FAM20A: variants seen among roughly 807,000 people sequenced by gnomAD.
FAM20A encodes FAM20A golgi associated secretory pathway pseudokinase, also known as pseudokinase FAM20A.
Under a neutral mutation model 52.0 loss-of-function variants are expected in FAM20A, and 42 were observed. That is an observed-to-expected ratio of 0.81 (90% CI 0.63 to 1.04). The LOEUF is 1.04. Among genes scored for constraint, FAM20A ranks in the 50% least tolerant of loss-of-function variants. The pLI is 0.00. For missense variants in FAM20A, 742 were observed against 712.7 expected, an observed-to-expected ratio of 1.04 and a Z score of -0.47; for synonymous variants, 304 against 298.9, an observed-to-expected ratio of 1.02 and a Z score of -0.18.
chr17:68,583,867 CAG>C (rs1233002555), intron 1 of FAM20A, among the ~76,000 whole-genome samples: 1 of 151,816 alleles, frequency 6.6e-6, no homozygotes, highest in Non-Finnish European at 1.5e-5. Flanking sequence ...GCCTGGGTGA[CAG>C]AGTGAGACTC....
chr17:68,583,361 G>A (rs2088068317), intron 1 of FAM20A, among the ~76,000 whole-genome samples: 1 of 152,002 alleles, frequency 6.6e-6, no homozygotes, highest in Non-Finnish European at 1.5e-5. Flanking sequence ...CTCCTTCTGG[G>A]GACTCTAGGA....
At chr17:68,566,039 C>A (rs1424443565) in intron 1 of FAM20A, among the ~76,000 whole-genome samples, 2 of 152,150 alleles carry the variant, frequency 1.3e-5, no homozygotes, top group African/African-American at 4.8e-5. Flanking sequence ...CCACCTCATG[C>A]TGTTCCATCA....
At position 68,537,540 on chromosome 17, in the gene FAM20A, G is replaced by A. The variant is rs1162547081; in HGVS notation, c.1563C>T (p.Val521=). Residue 521 remains valine (V), a synonymous_variant, in exon 11 of 11, where the codon GTC becomes GTT. Transcript: ENST00000592554. This position sits in a 1 kb window ranked among gnomAD's most constrained non-coding sequence, Gnocchi z 4.2. ...ACTGTTCCACTGGGCCGTCGACTAT[G>A]ACACTCTGCTGTCCATGGGCCACTA... ...GCIVAHGQQS[V]IVDGPVEQLA... is the part of the protein sequence containing the mutation. 3 of 1,613,718 alleles carry A rather than the reference G, an allele frequency of 1.9e-6. No homozygotes were observed. The highest frequency in any genetic ancestry group is 2.7e-5 in the African/African-American group (2 of 74,892).
At position 68,536,141 on chromosome 17, in the gene FAM20A, A is replaced by C. The variant is rs901510231; in HGVS notation, c.*1336T>G. 4.8e-5 allele frequency: 22 copies of C among 453,924 alleles called. No homozygotes were observed. Among genetic ancestry groups the C allele is most frequent in the African/African-American group, 4.4e-4 (22 of 49,970 alleles). 28.1% of individuals were successfully genotyped at this position (453,924 alleles called of 1,614,324 possible). A position where few individuals can be genotyped will look rare whatever the true frequency, so the allele number is the denominator to read the frequency against. On this transcript the variant is annotated 3_prime_UTR_variant, in exon 11 of 11. Transcript: ENST00000592554. ...GGGGTACCACGGGGTCAGAAGTGTT[A>C]TTTGTCCAGTCGAGGCTATCTTTGC...
chr17:68,581,822 C>T (rs865779261), intron 1 of FAM20A, among the ~76,000 whole-genome samples: 2 of 152,234 alleles, frequency 1.3e-5, no homozygotes, highest in Middle Eastern at 3.4e-3. Context: ...GATCTGCCTG[C>T]TTTGGCCTCC....
At chr17:68,554,194 G>A (rs987117937) in intron 3 of FAM20A, among the ~76,000 whole-genome samples, 3 of 151,810 alleles carry the variant, frequency 2.0e-5, no homozygotes, top group Admixed American at 2.0e-4. Context: ...GCAGTGGCAC[G>A]ATCTCAGTTC....
Position 68,551,872 on chromosome 17 carries a change from C to A in FAM20A, c.719+1G>T. The A allele has an allele frequency of 6.3e-7, 1 of 1,576,700 alleles. No homozygotes were observed. Among genetic ancestry groups the A allele is most frequent in the Non-Finnish European group, 8.6e-7 (1 of 1,158,924 alleles). ...TGGAAAGGAGGAAGGCAGTCACTTA[C>A]CTCATGGGTTTGAACATGGCCTTCC... is the stretch of plus-strand genomic sequence containing the variant. On this transcript the variant is annotated splice_donor_variant, in intron 4 of 10. Coordinates refer to ENST00000592554, the MANE Select transcript of FAM20A (RefSeq NM_017565.4). LOFTEE classifies it high-confidence loss of function.
rs1491430631 is a variant in FAM20A, at chr17:68,575,789, T to TACACACACAC, written c.405-20047_405-20046insGTGTGTGTGT. ...ATTTTATATATTGTATATTTTATAT[T>TACACACACAC]ATACACACACACACACACACACACA... is the stretch of plus-strand genomic sequence containing the variant. On this transcript the variant is annotated intron_variant, in intron 1 of 10. Transcript: ENST00000592554. Among the ~76,000 whole-genome samples, 309 of 41,314 alleles carry TACACACACAC rather than the reference T, an allele frequency of 7.5e-3. 3 individuals are homozygous for TACACACACAC. Among genetic ancestry groups the TACACACACAC allele is most frequent in the African/African-American group, 0.026 (265 of 10,280 alleles). The allele number at this position is 41,314 out of a possible 152,430, so 27.1% of individuals were successfully genotyped here.
At chr17:68,599,153 A>T (rs1338661720) in intron 1 of FAM20A, among the ~76,000 whole-genome samples, 1 of 152,208 alleles carries the variant, frequency 6.6e-6, no homozygotes, top group Non-Finnish European at 1.5e-5. Context: ...TTACAAAATA[A>T]TGAGCAAACA....
At chr17:68,552,140 G>A (rs1015798585) in intron 3 of FAM20A, among the ~76,000 whole-genome samples, 189 bp from the exon 4 acceptor site, 2 of 152,106 alleles carry the variant, frequency 1.3e-5, no homozygotes, top group African/African-American at 4.8e-5. Context: ...GGTGTCCAGG[G>A]GCTCAAGACA....
In FAM20A at chr17:68,576,658, G is replaced by A. The variant is rs149566105; in HGVS notation, c.405-20915C>T. 1.3e-4 allele frequency among the ~76,000 whole-genome samples: 20 copies of A among 152,354 alleles called. No homozygotes were observed. The East Asian group carries it at 3.9e-3, about 29-fold the overall frequency. On this transcript the variant is annotated intron_variant, in intron 1 of 10. Transcript: ENST00000592554. ...CAGACACTTAGTGGTGGGTACTACA[G>A]AAAACGTTAGTTACATGTAGTTGGG...
chr17:68,543,678 T>G lies in FAM20A; in HGVS notation c.763A>C (p.Ile255Leu). The change falls in exon 5 of 11, where the codon ATT (isoleucine) becomes CTT (leucine). Residue 255 changes from isoleucine to leucine, a missense_variant. Ile to Leu is a conservative substitution (Grantham distance 5). Transcript: ENST00000592554. Reference protein sequence around the residue: ...EETPVDFFYFIDFQRHNAEIA... With the variant: ...EETPVDFFYFLDFQRHNAEIA... ...TCAGCATTGTGTCTCTGAAAGTCAA[T>G]GAAGTAGAAGAAGTCCACTGGTGTC... 6.2e-7 allele frequency: 1 copy of G among 1,614,062 alleles called. No homozygotes were observed. The highest frequency in any genetic ancestry group is 8.5e-7 in the Non-Finnish European group (1 of 1,180,012).
chr17:68,569,151 C>G (rs1045000516), intron 1 of FAM20A, among the ~76,000 whole-genome samples: 3 of 152,148 alleles, frequency 2.0e-5, no homozygotes, highest in Admixed American at 6.5e-5. Context: ...CTTCAATGAT[C>G]GCTTTTGTGC....
chr17:68,536,889 A>G lies in FAM20A; in HGVS notation c.*588T>C, dbSNP rs1168141365. The G allele has an allele frequency of 2.2e-6, 1 of 453,996 alleles. No individual in the cohort carries two copies. Among genetic ancestry groups the G allele is most frequent in the Non-Finnish European group, 4.4e-6 (1 of 226,838 alleles). 28.1% of individuals were successfully genotyped at this position (453,996 alleles called of 1,614,324 possible). On this transcript the variant is annotated 3_prime_UTR_variant, in exon 11 of 11. Transcript: ENST00000592554. ...TTTTATTTTTGCCACTTGTTATAAT[A>G]TCTCTAAGAAGTTACTCCAGGACCG...
At chr17:68,550,434 G>T (rs1265298260) in intron 4 of FAM20A, among the ~76,000 whole-genome samples, 1 of 141,056 alleles carries the variant, frequency 7.1e-6, no homozygotes. Context: ...AGGCTGGAGT[G>T]CAGTGGTGCG....
chr17:68,572,015 T>C lies in FAM20A; in HGVS notation c.405-16272A>G, dbSNP rs965229234. ...ATATATATATATATATATATATATA[T>C]ATATATATATATATATATATATATA... On this transcript the variant is annotated intron_variant, in intron 1 of 10. Transcript: ENST00000592554. 6.6e-4 allele frequency among the ~76,000 whole-genome samples: 75 copies of C among 113,760 alleles called. 4 individuals are homozygous for C. The highest frequency in any genetic ancestry group is 2.6e-3 in the African/African-American group (73 of 27,548). 74.6% of individuals were successfully genotyped at this position (113,760 alleles called of 152,430 possible). A position where few individuals can be genotyped will look rare whatever the true frequency, so the allele number is the denominator to read the frequency against.
intron 1 of FAM20A, among the ~76,000 whole-genome samples, chr17:68,599,092 T>C (rs1047253839): frequency 2.0e-5 from 3 of 152,200 alleles, no homozygotes; most frequent in South Asian, 2.1e-4. Context: ...ACTCAACTTA[T>C]TCCTTTGCAA....
intron 1 of FAM20A, among the ~76,000 whole-genome samples, chr17:68,569,254 A>G (rs540533919): frequency 1.3e-5 from 2 of 152,226 alleles, no homozygotes; most frequent in Admixed American, 1.3e-4. Flanking sequence ...TGTCCCCTGC[A>G]TCACCGAATT....
intron 1 of FAM20A, among the ~76,000 whole-genome samples, chr17:68,576,326 A>G (rs1443049331): frequency 6.6e-6 from 1 of 152,216 alleles, no homozygotes; most frequent in Non-Finnish European, 1.5e-5. Context: ...GTCCATTGTT[A>G]GCCCATTTTA....
Sources: allele counts gnomAD v4.1 joint callset (sites outside exome capture counted in the v4.1 genomes callset), GRCh38; gene constraint gnomAD v4.1.1; non-coding constraint Gnocchi (gnomAD v3.1); transcripts MANE v1.5; gene names NCBI Gene and HGNC (gene_info 2026-07-23, HGNC 2026-07-21).